RALGPS1: variants seen among roughly 807,000 people sequenced by gnomAD.
The protein encoded by RALGPS1 is ras-specific guanine nucleotide-releasing factor RalGPS1.
In RALGPS1, 19 loss-of-function variants were observed where a neutral mutation model predicts 78.8. The observed-to-expected ratio is 0.24, with a 90% CI of 0.17 to 0.35. The LOEUF (loss-of-function observed/expected upper bound fraction) is 0.35. Ranked by LOEUF, RALGPS1 falls within the 10% of genes least tolerant of loss-of-function variation. The probability of loss-of-function intolerance (pLI) is 1.00; values close to 1 mark genes in which losing one functional copy is unlikely to be tolerated. For synonymous variants in RALGPS1, 228 were observed against 256.3 expected, an observed-to-expected ratio of 0.89 and a Z score of 1.06; for missense variants, 454 against 688.3, an observed-to-expected ratio of 0.66 and a Z score of 3.81.
intron 8 of RALGPS1, among the ~76,000 whole-genome samples, chr9:127,089,411 G>A (rs1180432541): frequency 1.3e-5 from 2 of 152,158 alleles, no homozygotes; most frequent in Admixed American, 6.5e-5. Context: ...TAAAAATGAC[G>A]CCTGCCGCAC....
intron 4 of RALGPS1, among the ~76,000 whole-genome samples, chr9:127,019,349 A>T (rs2045219032): frequency 6.6e-6 from 1 of 151,778 alleles, no homozygotes; most frequent in Admixed American, 6.6e-5. Flanking sequence ...TATTTTTGAG[A>T]TGGAGTCTTG....
chr9:127,179,397 G>A (rs976533117), intron 11 of RALGPS1, among the ~76,000 whole-genome samples: 1 of 152,188 alleles, frequency 6.6e-6, no homozygotes. Flanking sequence ...TTCTGGACCT[G>A]GCAGCCAGAC....
At chr9:127,194,015 G>A (rs539387214) in intron 11 of RALGPS1, among the ~76,000 whole-genome samples, 2 of 152,362 alleles carry the variant, frequency 1.3e-5, no homozygotes, top group East Asian at 3.9e-4. Flanking sequence ...GAAGGATTTG[G>A]CCTCAGTGTC....
intron 9 of RALGPS1, among the ~76,000 whole-genome samples, chr9:127,167,354 G>A (rs2059345688): frequency 6.6e-6 from 1 of 152,224 alleles, no homozygotes. Context: ...GTTTCGCCTG[G>A]CCTGGGCCAT....
intron 8 of RALGPS1, among the ~76,000 whole-genome samples, chr9:127,146,043 C>T (rs1469679233): frequency 1.3e-5 from 2 of 152,160 alleles, no homozygotes; most frequent in Non-Finnish European, 1.5e-5. Flanking sequence ...ATGGAGAACA[C>T]GGTGGATTCT....
intron 4 of RALGPS1, among the ~76,000 whole-genome samples, chr9:127,016,309 C>T (rs950264939): frequency 5.9e-5 from 9 of 152,268 alleles, no homozygotes; most frequent in African/African-American, 1.4e-4. Flanking sequence ...TACTTAATAA[C>T]GTTTTTATGT....
intron 8 of RALGPS1, among the ~76,000 whole-genome samples, chr9:127,140,790 G>A (rs918223515): frequency 2.0e-5 from 3 of 152,158 alleles, no homozygotes; most frequent in African/African-American, 7.2e-5. Context: ...AACAGCATGG[G>A]GCAGCCATGG....
intron 8 of RALGPS1, among the ~76,000 whole-genome samples, chr9:127,129,892 A>G (rs946337393): frequency 2.6e-5 from 4 of 152,168 alleles, no homozygotes; most frequent in Admixed American, 6.5e-5. Context: ...TGTCTGCTCA[A>G]TATTCTTCAT....
intron 11 of RALGPS1, chr9:127,184,194 G>A (rs1014929825): frequency 2.7e-6 from 2 of 754,068 alleles, no homozygotes; most frequent in South Asian, 1.7e-5. Flanking sequence ...GCATGGTGGT[G>A]CGTGCCTACA....
At chr9:126,966,106 A>G (rs144936613) in intron 3 of RALGPS1, among the ~76,000 whole-genome samples, 155 bp downstream of exon 3, 1,833 of 152,354 alleles carry the variant, frequency 0.012, 15 homozygotes, top group Middle Eastern at 0.041. Flanking sequence ...GTGAAATACA[A>G]TGCAGCATTA....
chr9:127,017,698 ATTTTC>A (rs1248422114), intron 4 of RALGPS1, among the ~76,000 whole-genome samples: 4 of 151,994 alleles, frequency 2.6e-5, no homozygotes, highest in African/African-American at 9.7e-5. Flanking sequence ...GTACAAAAAT[ATTTTC>A]TTTTTTAATA....
At chr9:126,983,939 GCT>G (rs779409965) in intron 4 of RALGPS1, among the ~76,000 whole-genome samples, 1 of 152,094 alleles carries the variant, frequency 6.6e-6, no homozygotes, top group Non-Finnish European at 1.5e-5. Flanking sequence ...CAGTTGTTTT[GCT>G]CTGTGTCATG....
intron 11 of RALGPS1, among the ~76,000 whole-genome samples, chr9:127,175,872 C>G (rs1316419568): frequency 1.3e-5 from 2 of 152,098 alleles, no homozygotes; most frequent in East Asian, 3.9e-4. Context: ...TTGACCTGCT[C>G]AAGCCACTCT....
chr9:127,127,313 T>A (rs939771677), intron 8 of RALGPS1, among the ~76,000 whole-genome samples: 5 of 152,218 alleles, frequency 3.3e-5, no homozygotes, highest in Admixed American at 6.5e-5. Flanking sequence ...TAAATTTTTT[T>A]AATATTTTTG....
chr9:126,989,923 C>T (rs759583462), intron 4 of RALGPS1: 1 of 1,550,400 alleles, frequency 6.4e-7, no homozygotes, highest in Non-Finnish European at 8.7e-7. Context: ...GGAAGACTCC[C>T]TGCAGAAGTC....
chr9:127,217,387 C>A, intron 18 of RALGPS1: 1 of 991,644 alleles, frequency 1.0e-6, no homozygotes, highest in Non-Finnish European at 1.2e-6. Flanking sequence ...ACAGTACATC[C>A]GTGTGATGGA....
At chr9:127,030,489 T>C (rs1452360445) in intron 4 of RALGPS1, among the ~76,000 whole-genome samples, 2 of 151,940 alleles carry the variant, frequency 1.3e-5, no homozygotes, top group Non-Finnish European at 2.9e-5. Context: ...GCTAATTTCC[T>C]AGTTGGGAAG....
At chr9:127,022,569 C>T (rs1033248067) in intron 4 of RALGPS1, among the ~76,000 whole-genome samples, 2 of 152,026 alleles carry the variant, frequency 1.3e-5, no homozygotes, top group African/African-American at 4.8e-5. Flanking sequence ...GGGACCTGGC[C>T]TCCCACCCCT....
rs1429687266 is a variant in RALGPS1 at position 127,218,788 on chromosome 9, A to G, written c.*19A>G. ...TGAGTAAGTCTCTGCAGGACGTGGC[A>G]TGACTTCAGAGGCTTCTGGGAACCC... On this transcript the variant is annotated 3_prime_UTR_variant, in exon 19 of 19. Transcript: ENST00000259351. This position sits in a 1 kb window ranked among gnomAD's most constrained non-coding sequence, Gnocchi z 4.4. 2 of 1,612,966 alleles carry G rather than the reference A, an allele frequency of 1.2e-6. No individual in the cohort carries two copies. The highest frequency in any genetic ancestry group is 4.5e-5 in the East Asian group (2 of 44,886).
Sources: allele counts gnomAD v4.1 joint callset (sites outside exome capture counted in the v4.1 genomes callset), GRCh38; gene constraint gnomAD v4.1.1; non-coding constraint Gnocchi (gnomAD v3.1); transcripts MANE v1.5; gene names NCBI Gene and HGNC (gene_info 2026-07-23, HGNC 2026-07-21).